Variants in AGBL1 observed in about 807,000 individuals in gnomAD.
The protein encoded by AGBL1 is cytosolic carboxypeptidase 4.
AGBL1 carries 130 observed loss-of-function variants against 118.9 expected under a neutral mutation model. That is an observed-to-expected ratio of 1.09 (90% confidence interval 0.95 to 1.26). The LOEUF (loss-of-function observed/expected upper bound fraction) is 1.26. Ranked by LOEUF, AGBL1 falls within the 50% of genes most tolerant of loss-of-function variation. The probability of loss-of-function intolerance (pLI) is 0.00; values close to 1 mark genes in which losing one functional copy is unlikely to be tolerated. For synonymous variants in AGBL1, 555 were observed against 478.9 expected, an observed-to-expected ratio of 1.16 and a Z score of -2.08; for missense variants, 1,584 against 1,298.1, an observed-to-expected ratio of 1.22 and a Z score of -3.38.
intron 22 of AGBL1, among the ~76,000 whole-genome samples, chr15:86,885,969 G>A (rs1043407463): frequency 6.6e-6 from 1 of 152,112 alleles, no homozygotes. Flanking sequence ...AAACCTAAAG[G>A]CCTGATAGAA....
At chr15:86,456,258 G>A (rs2082257195) in intron 18 of AGBL1, among the ~76,000 whole-genome samples, 1 of 152,152 alleles carries the variant, frequency 6.6e-6, no homozygotes, top group African/African-American at 2.4e-5. Flanking sequence ...TCTGAATAAT[G>A]TTCTCTTAAA....
intron 20 of AGBL1, among the ~76,000 whole-genome samples, chr15:86,547,667 G>A (rs938262020): frequency 6.6e-6 from 1 of 152,148 alleles, no homozygotes; most frequent in Admixed American, 6.5e-5. Flanking sequence ...AATAAGGACA[G>A]TGGTATTTAA....
chr15:86,223,927 G>T (rs1359974574), intron 5 of AGBL1, among the ~76,000 whole-genome samples: 1 of 152,188 alleles, frequency 6.6e-6, no homozygotes, highest in East Asian at 1.9e-4. Context: ...GGGCCACTGA[G>T]AGATTCTGGA....
intron 1 of AGBL1, among the ~76,000 whole-genome samples, chr15:86,096,029 T>C (rs1896357582): frequency 1.3e-5 from 2 of 152,174 alleles, no homozygotes; most frequent in Admixed American, 1.3e-4. Context: ...TATTGTTTAC[T>C]TAACATTATT....
At chr15:87,015,992 C>T (rs375865649) in intron 24 of AGBL1, among the ~76,000 whole-genome samples, 2 of 152,168 alleles carry the variant, frequency 1.3e-5, no homozygotes, top group Admixed American at 1.3e-4. Flanking sequence ...ACTTCTTGCT[C>T]TGCCTGTGGA....
chr15:86,827,351 ATATATATATATGTGTGTG>A (rs1392029932), intron 22 of AGBL1, among the ~76,000 whole-genome samples: 6 of 11,256 alleles, frequency 5.3e-4, no homozygotes, highest in African/African-American at 3.7e-3. Context: ...GTATATATAT[ATATATATATATGTGTGTG>A]TATATATATA....
chr15:86,949,195 T>G (rs1368742466), intron 23 of AGBL1, among the ~76,000 whole-genome samples: 1 of 152,226 alleles, frequency 6.6e-6, no homozygotes, highest in African/African-American at 2.4e-5. Flanking sequence ...ATTAAGATTT[T>G]TGTTTCTCTT....
intron 23 of AGBL1, among the ~76,000 whole-genome samples, chr15:86,945,640 T>G (rs1370019126): frequency 2.6e-5 from 4 of 152,168 alleles, no homozygotes; most frequent in Non-Finnish European, 5.9e-5. Flanking sequence ...GCCACTGCAC[T>G]TCAGTGTGGA....
chr15:86,860,774 A>T (rs544528098), intron 22 of AGBL1, among the ~76,000 whole-genome samples: 1 of 152,030 alleles, frequency 6.6e-6, no homozygotes, highest in African/African-American at 2.4e-5. Flanking sequence ...GGATGAGCAC[A>T]TGTTTCTATG....
intron 5 of AGBL1, among the ~76,000 whole-genome samples, chr15:86,164,848 C>G (rs1489110602): frequency 6.6e-6 from 1 of 152,208 alleles, no homozygotes; most frequent in African/African-American, 2.4e-5. Flanking sequence ...TGCTCACAGG[C>G]TGGGATAGCT....
rs2083853739 is a variant in AGBL1 at position 86,563,152 on chromosome 15, A to G, written c.2994+8615A>G. 5.3e-5 allele frequency among the ~76,000 whole-genome samples: 8 copies of G among 150,368 alleles called. No individual in the cohort carries two copies. In the South Asian group the frequency reaches 1.5e-3, roughly 28 times the overall value. On this transcript the variant is annotated intron_variant, in intron 21 of 22. Coordinates refer to ENST00000614907, the MANE Select transcript of AGBL1 (RefSeq NM_001386094.1). The stretch of plus-strand genomic sequence containing the variant: ...TTGTGTCTCTATCTCCTTCAGTTCT[A>G]CTCTGATCTTAGTTATTTCTTGCCT...
intron 5 of AGBL1, among the ~76,000 whole-genome samples, chr15:86,185,483 A>G (rs1414593808): frequency 6.6e-6 from 1 of 152,186 alleles, no homozygotes; most frequent in Non-Finnish European, 1.5e-5. Flanking sequence ...ACTATTCACA[A>G]TAGCAAAGAC....
At chr15:86,138,632 T>G (rs2076920760) in intron 1 of AGBL1, among the ~76,000 whole-genome samples, 1 of 152,244 alleles carries the variant, frequency 6.6e-6, no homozygotes, top group South Asian at 2.1e-4. Context: ...GGACCTTTTA[T>G]TCCCCTTTAA....
At chr15:86,111,296 G>A (rs1341133445) in intron 1 of AGBL1, among the ~76,000 whole-genome samples, 1 of 152,238 alleles carries the variant, frequency 6.6e-6, no homozygotes, top group East Asian at 1.9e-4. Flanking sequence ...TGCTTGGGCA[G>A]TATGTACTTT....
intron 1 of AGBL1, among the ~76,000 whole-genome samples, chr15:86,085,417 A>G (rs1281363536): frequency 1.3e-5 from 2 of 152,162 alleles, no homozygotes; most frequent in Non-Finnish European, 2.9e-5. Flanking sequence ...CTTGAGTGGC[A>G]AGCTTCAGGT....
chr15:86,472,095 G>C (rs779031861), intron 18 of AGBL1, among the ~76,000 whole-genome samples: 4 of 152,130 alleles, frequency 2.6e-5, no homozygotes, highest in Non-Finnish European at 4.4e-5. Context: ...AGCAAGGTAG[G>C]ATCCTCCCCT....
intron 11 of AGBL1, among the ~76,000 whole-genome samples, 193 bp downstream of exon 11, chr15:86,265,031 G>C (rs8029304): frequency 0.16 from 24,187 of 152,158 alleles, 2,097 homozygotes; most frequent in South Asian, 0.3. Context: ...TCAAGTGTGG[G>C]GTAGTGGTAG....
At chr15:86,267,428 C>A (rs2079092097) in intron 13 of AGBL1, among the ~76,000 whole-genome samples, 1 of 152,150 alleles carries the variant, frequency 6.6e-6, no homozygotes, top group Non-Finnish European at 1.5e-5. Context: ...GATGTTTATA[C>A]TTTGATGCCA....
At chr15:86,227,421 C>G (rs890756246) in intron 6 of AGBL1, among the ~76,000 whole-genome samples, 3 of 152,224 alleles carry the variant, frequency 2.0e-5, no homozygotes, top group Non-Finnish European at 2.9e-5. Flanking sequence ...CTCAATGTAC[C>G]ATTGGCATTT....
Sources: allele counts gnomAD v4.1 joint callset (sites outside exome capture counted in the v4.1 genomes callset), GRCh38; gene constraint gnomAD v4.1.1; transcripts MANE v1.5; gene names NCBI Gene and HGNC (gene_info 2026-07-23, HGNC 2026-07-21).